The following CSMD1 variants were observed in gnomAD, a reference collection of about 807,000 sequenced individuals.
CSMD1 encodes the protein CUB and Sushi multiple domains 1.
A neutral mutation model predicts 417.5 loss-of-function variants in CSMD1; 213 were observed. The observed-to-expected ratio is 0.51, with a 90% CI of 0.46 to 0.57. The LOEUF (loss-of-function observed/expected upper bound fraction) is 0.57, where lower values mean the gene tolerates loss of function less well. Ranked by LOEUF, CSMD1 falls within the 20% of genes least tolerant of loss-of-function variation. CSMD1 has a pLI of 0.00. For missense variants in CSMD1, 6,923 were observed against 4,529.7 expected (o/e 1.53, Z -15.17); for synonymous variants, 2,862 against 1,736.8 (o/e 1.65, Z -16.11).
At chr8:3,553,224 T>C (rs533694300) in intron 10 of CSMD1, among the ~76,000 whole-genome samples, 4 of 152,284 alleles carry the variant, frequency 2.6e-5, no homozygotes, top group South Asian at 2.1e-4. Context: ...TATGAGAAGA[T>C]ACCTAGGTAG....
At chr8:4,270,758 C>T (rs1039095893) in intron 3 of CSMD1, among the ~76,000 whole-genome samples, 6 of 152,174 alleles carry the variant, frequency 3.9e-5, no homozygotes, top group African/African-American at 1.4e-4. Context: ...TGCTACTCAT[C>T]ACCTGCACGG....
chr8:3,554,666 T>C (rs1029882976), intron 10 of CSMD1, among the ~76,000 whole-genome samples: 1 of 152,176 alleles, frequency 6.6e-6, no homozygotes, highest in Non-Finnish European at 1.5e-5. Context: ...TTAGTTTTCT[T>C]GAGCTTGTTA....
chr8:4,287,080 A>G (rs1020607196), intron 3 of CSMD1, among the ~76,000 whole-genome samples: 2 of 152,218 alleles, frequency 1.3e-5, no homozygotes, highest in African/African-American at 4.8e-5. Flanking sequence ...AGAGAACAAA[A>G]AAGAGTTTCA....
chr8:3,122,599 C>T (rs1252552129), intron 41 of CSMD1, among the ~76,000 whole-genome samples: 1 of 152,098 alleles, frequency 6.6e-6, no homozygotes, highest in African/African-American at 2.4e-5. Context: ...TCAGAGGGTC[C>T]AATCAATCTC....
intron 51 of CSMD1, among the ~76,000 whole-genome samples, chr8:3,028,490 C>T (rs185737119): frequency 1.3e-3 from 197 of 152,260 alleles, no homozygotes; most frequent in Admixed American, 3.5e-3. Context: ...CTTAGAGAAA[C>T]GGGGACCATG....
At chr8:4,085,124 A>T (rs1800352012) in intron 3 of CSMD1, among the ~76,000 whole-genome samples, 1 of 152,194 alleles carries the variant, frequency 6.6e-6, no homozygotes, top group Admixed American at 6.5e-5. Flanking sequence ...GACAACCCTG[A>T]GGCTGAGATG....
chr8:4,308,671 C>T lies in CSMD1; in HGVS notation c.415+111282G>A, dbSNP rs76625785. ...CAAGAACAGTTTATAAGAGGCTTTA[C>T]GCAAATATCTGGGTGCTTTTGGAGT... On this transcript the variant is annotated intron_variant, in intron 3 of 69. Transcript: ENST00000635120. Among the ~76,000 whole-genome samples the T allele has an allele frequency of 5.6e-3, 855 of 152,258 alleles. 6 individuals carry two copies. Among genetic ancestry groups the T allele is most frequent in the Middle Eastern group, 0.014 (4 of 294 alleles).
At chr8:4,948,048 T>C (rs1437122442) in intron 1 of CSMD1, among the ~76,000 whole-genome samples, 2 of 151,968 alleles carry the variant, frequency 1.3e-5, no homozygotes, top group Non-Finnish European at 2.9e-5. Context: ...TGTAGGAATG[T>C]AGATACCATA....
intron 5 of CSMD1, among the ~76,000 whole-genome samples, chr8:3,896,565 G>A (rs557902185): frequency 2.7e-4 from 41 of 152,032 alleles, no homozygotes; most frequent in African/African-American, 9.6e-4. Context: ...AGGCTGGAGT[G>A]CAGTGGCGTG....
chr8:4,788,264 G>A, intron 1 of CSMD1: 2 of 1,586,456 alleles, frequency 1.3e-6, no homozygotes, highest in Non-Finnish European at 1.7e-6. Context: ...AGTATGAAAG[G>A]GATGGCATTC....
At chr8:3,931,999 G>A (rs1163333229) in intron 5 of CSMD1, among the ~76,000 whole-genome samples, 1 of 149,626 alleles carries the variant, frequency 6.7e-6, no homozygotes, top group African/African-American at 2.5e-5. Context: ...ATGTAGAAAT[G>A]GGGGAAAGGA....
chr8:4,171,486 T>C (rs764829332), intron 3 of CSMD1, among the ~76,000 whole-genome samples: 6 of 151,898 alleles, frequency 4.0e-5, no homozygotes, highest in Non-Finnish European at 8.8e-5. Context: ...TAAGAACAGA[T>C]GCATATGTGA....
chr8:3,896,965 A>G (rs904170494), intron 5 of CSMD1, among the ~76,000 whole-genome samples: 1 of 152,060 alleles, frequency 6.6e-6, no homozygotes, highest in Non-Finnish European at 1.5e-5. Context: ...AATCTGCTTA[A>G]CATGACATCC....
At chr8:3,225,917 G>T in intron 27 of CSMD1, among the ~76,000 whole-genome samples, 1 of 152,166 alleles carries the variant, frequency 6.6e-6, no homozygotes, top group East Asian at 1.9e-4. Flanking sequence ...TTCTCCAGAA[G>T]GAATAGACAA....
chr8:4,420,904 C>T (rs970306684), intron 2 of CSMD1, among the ~76,000 whole-genome samples: 37 of 152,136 alleles, frequency 2.4e-4, no homozygotes, highest in African/African-American at 8.7e-4. Flanking sequence ...CTCCTAGGAG[C>T]CCTCCTCCCT....
intron 23 of CSMD1, among the ~76,000 whole-genome samples, chr8:3,309,286 C>T (rs1805140290): frequency 6.6e-6 from 1 of 152,114 alleles, no homozygotes; most frequent in African/African-American, 2.4e-5. Context: ...TTCCCGACAA[C>T]TTCTTCCAAA....
intron 41 of CSMD1, among the ~76,000 whole-genome samples, chr8:3,135,745 C>T (rs374758653): frequency 1.2e-4 from 18 of 152,190 alleles, no homozygotes; most frequent in African/African-American, 4.1e-4. Flanking sequence ...TGACCTAACA[C>T]ATAGTCTCTG....
At chr8:4,288,668 T>A (rs952828871) in intron 3 of CSMD1, among the ~76,000 whole-genome samples, 2 of 152,140 alleles carry the variant, frequency 1.3e-5, no homozygotes, top group African/African-American at 4.8e-5. Context: ...TAAAATTCCT[T>A]TTCAACATTT....
intron 5 of CSMD1, among the ~76,000 whole-genome samples, chr8:3,907,971 G>C (rs1453524814): frequency 7.9e-5 from 12 of 152,060 alleles, no homozygotes; most frequent in Admixed American, 7.9e-4. Context: ...GTGGTAATTT[G>C]CTGGGGCCAG....
Sources: allele counts gnomAD v4.1 joint callset (sites outside exome capture counted in the v4.1 genomes callset), GRCh38; gene constraint gnomAD v4.1.1; transcripts MANE v1.5; gene names NCBI Gene and HGNC (gene_info 2026-07-23, HGNC 2026-07-21).